The following NTRK1 variants were observed in gnomAD, a reference collection of about 807,000 sequenced individuals.
NTRK1 encodes the protein neurotrophic receptor tyrosine kinase 1, also known as high affinity nerve growth factor receptor.
A neutral mutation model predicts 86.8 loss-of-function variants in NTRK1; 62 were observed. That is an observed-to-expected ratio of 0.71 (90% CI 0.58 to 0.88). The LOEUF is 0.88. Among genes scored for constraint, NTRK1 ranks in the 40% least tolerant of loss-of-function variants. NTRK1 has a pLI of 0.00. For synonymous variants in NTRK1, 469 were observed against 456.6 expected, an observed-to-expected ratio of 1.03 and a Z score of -0.35; for missense variants, 967 against 1,078.4, an observed-to-expected ratio of 0.90 and a Z score of 1.45.
chr1:156,843,971 T>G (rs2102855954), intron 2 of NTRK1, among the ~76,000 whole-genome samples: 2 of 152,304 alleles, frequency 1.3e-5, no homozygotes, highest in Middle Eastern at 6.8e-3. Flanking sequence ...CTTTTACTGA[T>G]AAAACCAGGA....
chr1:156,830,232 C>G (rs78797786), intron 1 of NTRK1, among the ~76,000 whole-genome samples: 5,637 of 152,284 alleles, frequency 0.037, 340 homozygotes, highest in African/African-American at 0.13. Flanking sequence ...ATCAGTTACT[C>G]TGTGTGTGGA....
rs1461929920 is a variant in NTRK1, at chr1:156,874,815, C to G, written c.1252-91C>G. The G allele has an allele frequency of 3.0e-5, 36 of 1,210,336 alleles. No individual in the cohort carries two copies. The Admixed American group carries it at 6.1e-4, about 20-fold the overall frequency. The allele number at this position is 1,210,336 out of a possible 1,614,324, so 75.0% of individuals were successfully genotyped here. A position where few individuals can be genotyped will look rare whatever the true frequency, so the allele number is the denominator to read the frequency against. Reference sequence around the variant, plus strand: ...GCAGGTCTGGAGACCTGGCTCCGGGCTCCCATGCAGGATGAAAAAATGGCT... The same window carrying G: ...GCAGGTCTGGAGACCTGGCTCCGGGGTCCCATGCAGGATGAAAAAATGGCT... On this transcript the variant is annotated intron_variant, in intron 10 of 16. Coordinates refer to ENST00000524377, the MANE Select transcript of NTRK1 (RefSeq NM_002529.4).
chr1:156,836,007 C>A (rs938175687), intron 1 of NTRK1, among the ~76,000 whole-genome samples: 1 of 152,184 alleles, frequency 6.6e-6, no homozygotes, highest in Non-Finnish European at 1.5e-5. Flanking sequence ...TCTTGAGACT[C>A]CCTTTTCATA....
intron 1 of NTRK1, among the ~76,000 whole-genome samples, chr1:156,817,464 A>C (rs1654037605): frequency 6.6e-6 from 1 of 151,702 alleles, no homozygotes; most frequent in Non-Finnish European, 1.5e-5. Context: ...AAAGAAATCT[A>C]TAAGACAAGG....
chr1:156,833,877 TG>T (rs1318756987), intron 1 of NTRK1, among the ~76,000 whole-genome samples: 1 of 152,214 alleles, frequency 6.6e-6, no homozygotes, highest in African/African-American at 2.4e-5. Flanking sequence ...CCTCCTCCTC[TG>T]AGGGACTCCA....
chr1:156,865,358 C>T (rs1655878923), intron 3 of NTRK1, among the ~76,000 whole-genome samples: 1 of 152,168 alleles, frequency 6.6e-6, no homozygotes, highest in East Asian at 1.9e-4. Context: ...CGAAACTGTT[C>T]CACCTCAGAT....
intron 8 of NTRK1, 159 bp from the exon 9 acceptor site, chr1:156,874,224 A>G (rs900569556): frequency 8.7e-7 from 1 of 1,148,690 alleles, no homozygotes; most frequent in Admixed American, 1.7e-5. Context: ...AAAGGGTCAC[A>G]TGCATCTTCT....
At chr1:156,821,881 A>G (rs1388539885) in intron 1 of NTRK1, among the ~76,000 whole-genome samples, 1 of 152,224 alleles carries the variant, frequency 6.6e-6, no homozygotes, top group Non-Finnish European at 1.5e-5. Context: ...TAGAGGTTTC[A>G]TCCTCTGGAC....
intron 2 of NTRK1, chr1:156,852,330 G>T: frequency 1.2e-6 from 1 of 837,682 alleles, no homozygotes; most frequent in Non-Finnish European, 1.8e-6. Context: ...GACACTGGTT[G>T]CCGACTCTGT....
At chr1:156,855,370 A>AT (rs1298475780) in intron 2 of NTRK1, among the ~76,000 whole-genome samples, 15 of 151,996 alleles carry the variant, frequency 9.9e-5, no homozygotes, top group Non-Finnish European at 1.9e-4. Flanking sequence ...TACCCAGCTA[A>AT]TTTTTTGCAT....
At chr1:156,881,368 TG>T (rs1485445512) in intron 16 of NTRK1, 88 bp from the exon 17 acceptor site, 2 of 1,347,230 alleles carry the variant, frequency 1.5e-6, no homozygotes, top group African/African-American at 2.9e-5. Context: ...TGAGCTGCCT[TG>T]GGAGCCTCAG....
chr1:156,859,219 C>G (rs28470842), upstream of NTRK1, among the ~76,000 whole-genome samples: 117 of 152,178 alleles, frequency 7.7e-4, no homozygotes, highest in Admixed American at 5.7e-3. This position sits in a 1 kb window ranked among gnomAD's most constrained non-coding sequence, Gnocchi z 6.2. Flanking sequence ...CCCCTCCCGC[C>G]AAGTCAAAAT....
In NTRK1 at chr1:156,854,034, C is replaced by G. The variant is rs778566296; in HGVS notation, c.51-10320C>G. The G allele has an allele frequency of 1.9e-6, 3 of 1,613,976 alleles. No individual in the cohort carries two copies. Among genetic ancestry groups the G allele is most frequent in the Non-Finnish European group, 2.5e-6 (3 of 1,180,030 alleles). On this transcript the variant is annotated intron_variant, in intron 2 of 16. Coordinates refer to the NTRK1 transcript ENST00000392302. This position sits in a 1 kb window ranked among gnomAD's most constrained non-coding sequence, Gnocchi z 4.2. ...GCCACGTCACGCAGATGTGGCATCT[C>G]AAAGATGACCAGTGCATAGCCCAGG...
intron 2 of NTRK1, among the ~76,000 whole-genome samples, chr1:156,848,587 C>T (rs535809681): frequency 6.6e-6 from 1 of 152,334 alleles, no homozygotes; most frequent in African/African-American, 2.4e-5. Context: ...GCTCCCCAAA[C>T]CGCTGCTGGG....
intron 1 of NTRK1, among the ~76,000 whole-genome samples, chr1:156,824,021 G>A (rs76643460): frequency 0.014 from 2,149 of 152,258 alleles, 56 homozygotes; most frequent in African/African-American, 0.049. Context: ...TCCTAGGGAG[G>A]CACTCATCCT....
chr1:156,881,791 A>G lies in NTRK1; in HGVS notation c.*149A>G. On this transcript the variant is annotated 3_prime_UTR_variant, in exon 17 of 17. Transcript: ENST00000524377. ...AGGGACAGGTGGGGGCTGGGAGTAG[A>G]GGATGTTCCTGCTTCTCTAGGCAAG... The G allele has an allele frequency of 1.4e-6, 1 of 737,798 alleles. No individual in the cohort carries two copies. Among genetic ancestry groups the G allele is most frequent in the Non-Finnish European group, 2.1e-6 (1 of 473,974 alleles). The allele number at this position is 737,798 out of a possible 1,614,324, so 45.7% of individuals were successfully genotyped here.
intron 1 of NTRK1, among the ~76,000 whole-genome samples, chr1:156,861,855 G>A (rs1275997230): frequency 1.3e-5 from 2 of 152,168 alleles, no homozygotes; most frequent in Non-Finnish European, 2.9e-5. Flanking sequence ...CACGAAGCTG[G>A]GAGGAATCTT....
chr1:156,875,292 G>T (rs1309018444), intron 11 of NTRK1, among the ~76,000 whole-genome samples: 7 of 152,076 alleles, frequency 4.6e-5, no homozygotes, highest in Non-Finnish European at 8.8e-5. Context: ...TGGGCTCTGT[G>T]GGGGTGGAGG....
At chr1:156,849,055 G>A in intron 2 of NTRK1, 1 of 1,611,558 alleles carries the variant, frequency 6.2e-7, no homozygotes, top group Non-Finnish European at 8.5e-7. Flanking sequence ...GGCCTGGGTG[G>A]GGCGAGGGGC....
Sources: gnomAD v4.1 joint callset for allele counts (sites outside exome capture counted in the v4.1 genomes callset) on GRCh38, gnomAD v4.1.1 for gene constraint, Gnocchi (gnomAD v3.1) non-coding constraint, MANE v1.5 for transcripts, NCBI Gene and HGNC (gene_info 2026-07-23, HGNC 2026-07-21) for gene names.